Variants in MGAT4C observed in about 807,000 individuals in gnomAD.
The protein encoded by MGAT4C is alpha-1,3-mannosyl-glycoprotein 4-beta-N-acetylglucosaminyltransferase C.
In MGAT4C, 19 loss-of-function variants were observed where a neutral mutation model predicts 40.1. The ratio of observed to expected loss-of-function variants is 0.47; its 90% CI spans 0.33 to 0.70. MGAT4C has a LOEUF of 0.70. MGAT4C is among the 30% of genes least tolerant of loss of function. The probability of loss-of-function intolerance (pLI) is 0.02; values close to 1 mark genes in which losing one functional copy is unlikely to be tolerated. For missense variants in MGAT4C, 491 were observed against 563.2 expected (o/e 0.87, Z 1.30); for synonymous variants, 181 against 187.1 (o/e 0.97, Z 0.27).
intron 2 of MGAT4C, among the ~76,000 whole-genome samples, chr12:86,657,881 C>G (rs1963888781): frequency 6.6e-6 from 1 of 151,848 alleles, no homozygotes; most frequent in Admixed American, 6.6e-5. Context: ...AACCTAAAAA[C>G]AGTGGTTCCC....
chr12:86,104,039 G>C (rs1381304493), intron 1 of MGAT4C, among the ~76,000 whole-genome samples: 1 of 152,066 alleles, frequency 6.6e-6, no homozygotes, highest in African/African-American at 2.4e-5. Context: ...CCCAAGTCCA[G>C]AGGTCTGAAT....
At chr12:86,364,915 A>T (rs1307781427) in intron 3 of MGAT4C, among the ~76,000 whole-genome samples, 5 of 152,198 alleles carry the variant, frequency 3.3e-5, no homozygotes, top group Non-Finnish European at 7.3e-5. Context: ...CGAAATTAAA[A>T]TTGGTAATGA....
At chr12:86,007,224 A>G (rs1379146732) in intron 2 of MGAT4C, among the ~76,000 whole-genome samples, 3 of 152,150 alleles carry the variant, frequency 2.0e-5, no homozygotes, top group Non-Finnish European at 4.4e-5. Context: ...AAAGACTGCA[A>G]TATTTTGGGC....
At chr12:86,718,831 A>T (rs1308069774) in intron 2 of MGAT4C, among the ~76,000 whole-genome samples, 1 of 152,090 alleles carries the variant, frequency 6.6e-6, no homozygotes, top group Non-Finnish European at 1.5e-5. Flanking sequence ...GAGGTGGGTC[A>T]GTTTCATCCC....
intron 2 of MGAT4C, among the ~76,000 whole-genome samples, chr12:86,500,363 A>G (rs1958319066): frequency 6.6e-6 from 1 of 151,790 alleles, no homozygotes; most frequent in African/African-American, 2.4e-5. Context: ...GAGAGAGGAG[A>G]GAGCAAACAT....
At chr12:86,300,623 T>C (rs1031428523) in intron 4 of MGAT4C, among the ~76,000 whole-genome samples, 9 of 152,174 alleles carry the variant, frequency 5.9e-5, no homozygotes, top group South Asian at 2.1e-4. Flanking sequence ...AAGTTACATA[T>C]ATAATCAACT....
At chr12:86,176,779 T>A (rs1288764994) in intron 1 of MGAT4C, among the ~76,000 whole-genome samples, 1 of 149,844 alleles carries the variant, frequency 6.7e-6, no homozygotes, top group Non-Finnish European at 1.5e-5. Context: ...GTGTTCTATA[T>A]AATCCTTTTT....
chr12:85,968,797 C>T lies in MGAT4C; in HGVS notation c.*10492G>A, dbSNP rs556443535. 2.6e-5 allele frequency: 4 copies of T among 151,640 alleles called. No individual in the cohort carries two copies. Among genetic ancestry groups the T allele is most frequent in the African/African-American group, 7.3e-5 (3 of 41,344 alleles). 9.4% of individuals were successfully genotyped at this position (151,640 alleles called of 1,614,324 possible). On this transcript the variant is annotated 3_prime_UTR_variant, in exon 5 of 5. Transcript: ENST00000611864. ...AGCTCAGGAATGGGTGAAATTCTTCCCCAGAGATGTTAATGAACAGCCAGA... is the reference window on the plus strand; with the variant it reads ...AGCTCAGGAATGGGTGAAATTCTTCTCCAGAGATGTTAATGAACAGCCAGA...
intron 1 of MGAT4C, among the ~76,000 whole-genome samples, chr12:86,798,402 G>A (rs900563885): frequency 6.6e-6 from 1 of 151,854 alleles, no homozygotes; most frequent in East Asian, 1.9e-4. Flanking sequence ...ATCTGGACGA[G>A]TGTTACTACC....
rs1422649002 is a variant in MGAT4C at position 86,406,166 on chromosome 12, A to G, written c.-120+28991T>C. ...TAAATGTAAAATATAAAGCATAAGT[A>G]AAAATATTTAGCATCTAGAGCTAGT... On this transcript the variant is annotated intron_variant, in intron 3 of 7. Coordinates refer to the MGAT4C transcript ENST00000548651. Among the ~76,000 whole-genome samples, 3 of 150,566 alleles carry G rather than the reference A, an allele frequency of 2.0e-5. No individual in the cohort carries two copies. In the Admixed American group the frequency reaches 2.0e-4, roughly 10 times the overall value.
chr12:86,836,076 A>T (rs558419488), intron 1 of MGAT4C, among the ~76,000 whole-genome samples: 5 of 152,166 alleles, frequency 3.3e-5, no homozygotes, highest in African/African-American at 1.2e-4. Context: ...TTATACATAT[A>T]ATGAGACAGA....
At chr12:86,161,408 A>G (rs1885573577) in intron 1 of MGAT4C, among the ~76,000 whole-genome samples, 1 of 152,176 alleles carries the variant, frequency 6.6e-6, no homozygotes, top group Admixed American at 6.5e-5. Context: ...CAATAAGAAA[A>G]GGAATCTCTA....
intron 1 of MGAT4C, among the ~76,000 whole-genome samples, chr12:86,205,908 T>C (rs1411450757): frequency 6.6e-6 from 1 of 151,672 alleles, no homozygotes; most frequent in Non-Finnish European, 1.5e-5. Flanking sequence ...TTTTTAAAGT[T>C]AGTCCATTTT....
intron 2 of MGAT4C, among the ~76,000 whole-genome samples, chr12:86,528,664 T>C (rs1277990615): frequency 4.6e-5 from 7 of 151,940 alleles, no homozygotes; most frequent in African/African-American, 1.7e-4. Flanking sequence ...AATGTGAAAA[T>C]TTTGTGTTTC....
chr12:86,834,450 G>A (rs184878929), intron 1 of MGAT4C, among the ~76,000 whole-genome samples: 98 of 151,902 alleles, frequency 6.5e-4, no homozygotes, highest in Non-Finnish European at 1.2e-3. Flanking sequence ...CTCAACATCG[G>A]GGTGGACCTG....
At chr12:86,231,843 A>C (rs1951335800) in intron 1 of MGAT4C, among the ~76,000 whole-genome samples, 1 of 152,170 alleles carries the variant, frequency 6.6e-6, no homozygotes, top group Non-Finnish European at 1.5e-5. Flanking sequence ...AGACATTATA[A>C]AATCAAAGCT....
chr12:86,300,996 AAG>A (rs1206938354), intron 4 of MGAT4C, among the ~76,000 whole-genome samples: 1 of 152,196 alleles, frequency 6.6e-6, no homozygotes, highest in Non-Finnish European at 1.5e-5. Context: ...AGGGTCATAG[AAG>A]AGAGACTCAA....
At chr12:86,704,419 A>G (rs1016115880) in intron 2 of MGAT4C, among the ~76,000 whole-genome samples, 1 of 152,102 alleles carries the variant, frequency 6.6e-6, no homozygotes, top group East Asian at 1.9e-4. Context: ...GGAAAAAAAA[A>G]CATATACATG....
chr12:86,672,837 G>A (rs1397086989), intron 2 of MGAT4C, among the ~76,000 whole-genome samples: 1 of 151,920 alleles, frequency 6.6e-6, no homozygotes, highest in Non-Finnish European at 1.5e-5. Flanking sequence ...CATTTTTACC[G>A]CAGACTTCAG....
Sources: allele counts gnomAD v4.1 joint callset (sites outside exome capture counted in the v4.1 genomes callset), GRCh38; gene constraint gnomAD v4.1.1; transcripts MANE v1.5; gene names NCBI Gene and HGNC (gene_info 2026-07-23, HGNC 2026-07-21).